Variants in BNC2 observed in about 807,000 individuals in gnomAD.
The protein encoded by BNC2 is zinc finger protein basonuclin-2.
BNC2 carries 20 observed loss-of-function variants against 76.3 expected under a neutral mutation model. The ratio of observed to expected loss-of-function variants is 0.26; its 90% CI spans 0.18 to 0.38. The LOEUF (loss-of-function observed/expected upper bound fraction) is 0.38. Ranked by LOEUF, BNC2 falls within the 10% of genes least tolerant of loss-of-function variation. The pLI is 1.00. For missense variants in BNC2, 1,382 were observed against 1,399.8 expected (o/e 0.99, Z 0.20); for synonymous variants, 582 against 514.8 (o/e 1.13, Z -1.77).
In BNC2 at chr9:16,552,551, A is replaced by G; in HGVS notation, c.648T>C (p.Tyr216=). ...CTACCTGAAGGATGTATCCTCGGACATAGTCCCGCAGAGTCCAGCCAAGGC... is the reference window on the plus strand; with the variant it reads ...CTACCTGAAGGATGTATCCTCGGACGTAGTCCCGCAGAGTCCAGCCAAGGC... ...LHGLGWTLRD[Y]VRGYILQDAA... Residue 216 remains tyrosine, a synonymous_variant, in exon 5 of 7, where the codon TAT becomes TAC. Transcript: ENST00000380672. 3 of 1,614,216 alleles carry G rather than the reference A, an allele frequency of 1.9e-6. No individual in the cohort carries two copies. Among genetic ancestry groups the G allele is most frequent in the Non-Finnish European group, 2.5e-6 (3 of 1,180,018 alleles).
At chr9:16,787,738 C>T (rs10962593) in intron 1 of BNC2, among the ~76,000 whole-genome samples, 6,735 of 152,116 alleles carry the variant, frequency 0.044, 210 homozygotes, top group African/African-American at 0.087. Flanking sequence ...TTTGTAGAGA[C>T]GAGGGTCTCA....
intron 4 of BNC2, among the ~76,000 whole-genome samples, chr9:16,572,784 TGG>T: frequency 6.6e-6 from 1 of 152,144 alleles, no homozygotes; most frequent in Non-Finnish European, 1.5e-5. Flanking sequence ...GAGTTTACAG[TGG>T]TGACTCAAGG....
chr9:16,529,608 G>C (rs1024487992), intron 5 of BNC2, among the ~76,000 whole-genome samples: 1 of 152,056 alleles, frequency 6.6e-6, no homozygotes, highest in East Asian at 1.9e-4. Context: ...AAAGGGTTTA[G>C]TCAAAACTGC....
chr9:16,473,919 T>C (rs115626113), intron 5 of BNC2, among the ~76,000 whole-genome samples: 2,877 of 152,114 alleles, frequency 0.019, 98 homozygotes, highest in African/African-American at 0.065. Context: ...GATACGATGA[T>C]GATTAAGTAC....
intron 3 of BNC2, among the ~76,000 whole-genome samples, chr9:16,682,230 T>C (rs1165727253): frequency 6.7e-6 from 1 of 149,168 alleles, no homozygotes; most frequent in Non-Finnish European, 1.5e-5. Flanking sequence ...CATGACCAGC[T>C]TTGCCCCAGT....
chr9:16,673,170 CA>C (rs1822531458), intron 3 of BNC2, among the ~76,000 whole-genome samples: 1 of 151,974 alleles, frequency 6.6e-6, no homozygotes, highest in Non-Finnish European at 1.5e-5. Context: ...ACTATAATTA[CA>C]AACAAAATTC....
intron 3 of BNC2, among the ~76,000 whole-genome samples, chr9:16,678,648 C>CTT (rs79994792): frequency 1.7e-3 from 224 of 135,158 alleles, no homozygotes; most frequent in African/African-American, 5.2e-3. Context: ...GTAACAGTCT[C>CTT]TTTTTTTTTT....
intron 3 of BNC2, among the ~76,000 whole-genome samples, chr9:16,656,649 G>A (rs1447522304): frequency 1.3e-5 from 2 of 152,144 alleles, no homozygotes; most frequent in Non-Finnish European, 2.9e-5. Flanking sequence ...CTTCCATGTG[G>A]ACCTTTAGGG....
At chr9:16,594,738 TCAAACAG>T (rs1327445540) in intron 3 of BNC2, among the ~76,000 whole-genome samples, 1 of 152,110 alleles carries the variant, frequency 6.6e-6, no homozygotes, top group East Asian at 1.9e-4. Context: ...AGAGATTTTT[TCAAACAG>T]CAGAAAATGA....
At chr9:16,756,216 T>G (rs1361778528) in intron 1 of BNC2, among the ~76,000 whole-genome samples, 1 of 152,202 alleles carries the variant, frequency 6.6e-6, no homozygotes, top group Non-Finnish European at 1.5e-5. Flanking sequence ...TGCAAAATCT[T>G]TTTATGCCTA....
chr9:16,642,436 T>A (rs1419241088), intron 3 of BNC2, among the ~76,000 whole-genome samples: 2 of 152,188 alleles, frequency 1.3e-5, no homozygotes, highest in Non-Finnish European at 2.9e-5. Context: ...TATTTTAACA[T>A]ATTCTTCCTT....
chr9:16,584,424 A>C (rs1013741513), intron 3 of BNC2, among the ~76,000 whole-genome samples: 3 of 152,198 alleles, frequency 2.0e-5, no homozygotes, highest in African/African-American at 7.2e-5. Flanking sequence ...AGATCAGGCA[A>C]GTGTAAAATA....
intron 5 of BNC2, among the ~76,000 whole-genome samples, chr9:16,455,946 C>G (rs917378057): frequency 1.3e-5 from 2 of 152,106 alleles, no homozygotes; most frequent in Non-Finnish European, 2.9e-5. Context: ...TTGCCTTATT[C>G]CAACTTTTAT....
At chr9:16,572,717 G>A (rs550578724) in intron 4 of BNC2, among the ~76,000 whole-genome samples, 1 of 152,210 alleles carries the variant, frequency 6.6e-6, no homozygotes, top group East Asian at 1.9e-4. Context: ...CAAGGCACAG[G>A]AAAAACTGGC....
At chr9:16,531,717 G>A (rs1817980518) in intron 5 of BNC2, among the ~76,000 whole-genome samples, 3 of 152,144 alleles carry the variant, frequency 2.0e-5, no homozygotes, top group Non-Finnish European at 4.4e-5. Flanking sequence ...GTTATACACA[G>A]AATATGTCAA....
intron 1 of BNC2, among the ~76,000 whole-genome samples, chr9:16,857,672 A>C (rs1318145804): frequency 2.6e-5 from 4 of 152,164 alleles, no homozygotes; most frequent in African/African-American, 9.7e-5. Flanking sequence ...AAATTTGAAC[A>C]GTTACATATC....
chr9:16,535,445 A>G (rs528589414), intron 5 of BNC2, among the ~76,000 whole-genome samples: 8 of 152,266 alleles, frequency 5.3e-5, no homozygotes, highest in Non-Finnish European at 8.8e-5. Context: ...CATATACCCA[A>G]TCTTGAAGCC....
At chr9:16,844,162 CA>C (rs57509400) in intron 1 of BNC2, among the ~76,000 whole-genome samples, 5 of 147,792 alleles carry the variant, frequency 3.4e-5, no homozygotes, top group African/African-American at 9.9e-5. Flanking sequence ...TTTTACGTTA[CA>C]AAAAAAAATT....
Position 16,707,357 on chromosome 9 carries a change from G to A in BNC2, c.330+20440C>T, listed in dbSNP as rs547271008. Among the ~76,000 whole-genome samples, 85 of 152,274 alleles carry A rather than the reference G, an allele frequency of 5.6e-4. No homozygotes were observed. The South Asian group carries it at 0.015, about 26-fold the overall frequency. On this transcript the variant is annotated intron_variant, in intron 3 of 6. Transcript: ENST00000380672. Reference sequence around the variant, plus strand: ...ATTGAAGGAAGAATCAAGTGATGCCGTGAGATTAAAATTACAGAGGTTAAT... The same window carrying A: ...ATTGAAGGAAGAATCAAGTGATGCCATGAGATTAAAATTACAGAGGTTAAT...
Sources: gnomAD v4.1 joint callset for allele counts (sites outside exome capture counted in the v4.1 genomes callset) on GRCh38, gnomAD v4.1.1 for gene constraint, MANE v1.5 for transcripts, NCBI Gene and HGNC (gene_info 2026-07-23, HGNC 2026-07-21) for gene names.